The following GRID2 variants were observed in gnomAD, a reference collection of about 807,000 sequenced individuals.
GRID2 encodes the protein glutamate ionotropic receptor delta type subunit 2, also known as glutamate receptor ionotropic, delta-2.
Under a neutral mutation model 114.8 loss-of-function variants are expected in GRID2, and 33 were observed. The observed-to-expected ratio is 0.29, with a 90% CI of 0.22 to 0.38. The LOEUF (loss-of-function observed/expected upper bound fraction) is 0.38. Ranked by LOEUF, GRID2 falls within the 10% of genes least tolerant of loss-of-function variation. The pLI is 1.00. For synonymous variants in GRID2, 505 were observed against 449.9 expected, an observed-to-expected ratio of 1.12 and a Z score of -1.55; for missense variants, 1,184 against 1,257.7, an observed-to-expected ratio of 0.94 and a Z score of 0.89.
intron 4 of GRID2, among the ~76,000 whole-genome samples, chr4:93,121,918 TA>T (rs573407518): frequency 1.2e-3 from 180 of 152,316 alleles, no homozygotes; most frequent in African/African-American, 4.1e-3. Flanking sequence ...GCTTCGAGGA[TA>T]TTTTTCTTTT....
At chr4:92,431,906 G>A (rs1225029078) in intron 1 of GRID2, among the ~76,000 whole-genome samples, 3 of 152,234 alleles carry the variant, frequency 2.0e-5, no homozygotes, top group Non-Finnish European at 4.4e-5. Context: ...AGAATTGCAT[G>A]TTATAATCTA....
At chr4:92,984,608 C>T (rs921726215) in intron 2 of GRID2, among the ~76,000 whole-genome samples, 1 of 152,164 alleles carries the variant, frequency 6.6e-6, no homozygotes, top group Admixed American at 6.5e-5. Flanking sequence ...CCATTTTCCT[C>T]ATTTCGAGTA....
intron 13 of GRID2, among the ~76,000 whole-genome samples, chr4:93,547,837 C>G (rs961519732): frequency 6.6e-6 from 1 of 152,028 alleles, no homozygotes; most frequent in Admixed American, 6.6e-5. Flanking sequence ...GGACCAATAA[C>G]TAGCATATGA....
intron 14 of GRID2, among the ~76,000 whole-genome samples, chr4:93,667,278 G>A (rs1724026820): frequency 6.6e-6 from 1 of 151,916 alleles, no homozygotes; most frequent in South Asian, 2.1e-4. Context: ...GCTTAAATGG[G>A]GTGATTTTAA....
chr4:93,078,269 A>G (rs1385100622), intron 2 of GRID2, among the ~76,000 whole-genome samples: 1 of 152,158 alleles, frequency 6.6e-6, no homozygotes, highest in Non-Finnish European at 1.5e-5. Flanking sequence ...GCAGCTCTAT[A>G]GTCACTTCTG....
chr4:92,388,462 C>T (rs1730084550), intron 1 of GRID2, among the ~76,000 whole-genome samples: 1 of 151,974 alleles, frequency 6.6e-6, no homozygotes, highest in Admixed American at 6.6e-5. Context: ...ACTAGATCTT[C>T]TGAAGGTTAA....
chr4:92,556,567 G>A (rs1007370386), intron 1 of GRID2, among the ~76,000 whole-genome samples: 2 of 152,032 alleles, frequency 1.3e-5, no homozygotes. Flanking sequence ...CATAGTTTTT[G>A]TGGGTTAGGA....
intron 8 of GRID2, among the ~76,000 whole-genome samples, chr4:93,334,586 G>A (rs1758837103): frequency 6.6e-6 from 1 of 152,188 alleles, no homozygotes; most frequent in Non-Finnish European, 1.5e-5. Context: ...ATGCTAACAT[G>A]TAATAGCATT....
intron 2 of GRID2, among the ~76,000 whole-genome samples, chr4:92,631,288 A>G (rs1730799095): frequency 6.6e-6 from 1 of 152,106 alleles, no homozygotes; most frequent in Non-Finnish European, 1.5e-5. Context: ...ATAAGCCTTA[A>G]TTTAGAATGT....
At chr4:93,711,793 T>C (rs1328630738) in intron 14 of GRID2, among the ~76,000 whole-genome samples, 3 of 152,154 alleles carry the variant, frequency 2.0e-5, no homozygotes, top group African/African-American at 2.4e-5. Context: ...GTGTAGACAA[T>C]TCAAGACTGT....
chr4:93,058,877 A>T (rs1370515534), intron 2 of GRID2, among the ~76,000 whole-genome samples: 1 of 152,010 alleles, frequency 6.6e-6, no homozygotes. Context: ...TATTAAAATA[A>T]CTGCATTATA....
intron 1 of GRID2, among the ~76,000 whole-genome samples, chr4:92,350,868 A>G (rs1307357853): frequency 6.6e-6 from 1 of 151,756 alleles, no homozygotes; most frequent in Non-Finnish European, 1.5e-5. Context: ...CCACTAATCG[A>G]CTTTCTGTCT....
At chr4:92,941,758 C>G (rs184047572) in intron 2 of GRID2, among the ~76,000 whole-genome samples, 260 of 152,040 alleles carry the variant, frequency 1.7e-3, no homozygotes, top group African/African-American at 4.4e-3. Context: ...CAGAGATTCT[C>G]GTATGTTGTG....
chr4:92,925,885 A>AG (rs2149513444), intron 2 of GRID2, among the ~76,000 whole-genome samples: 2 of 152,116 alleles, frequency 1.3e-5, no homozygotes, highest in African/African-American at 4.8e-5. Context: ...ACAGGTTCAA[A>AG]GGGACAAGAG....
intron 13 of GRID2, among the ~76,000 whole-genome samples, chr4:93,515,697 G>A (rs555184246): frequency 2.0e-5 from 3 of 152,160 alleles, no homozygotes; most frequent in Admixed American, 2.0e-4. Flanking sequence ...CAAACATGAA[G>A]TTTAAAAAAG....
chr4:92,881,485 A>T (rs898284006), intron 2 of GRID2, among the ~76,000 whole-genome samples: 11 of 152,202 alleles, frequency 7.2e-5, no homozygotes, highest in African/African-American at 2.7e-4. Context: ...AGACAAAAGA[A>T]AAAATATTTC....
chr4:93,380,911 G>A (rs915805619), intron 8 of GRID2, among the ~76,000 whole-genome samples: 6 of 152,096 alleles, frequency 3.9e-5, no homozygotes, highest in Non-Finnish European at 2.9e-5. Context: ...CACTGGGATA[G>A]TTCAATTAGG....
intron 2 of GRID2, among the ~76,000 whole-genome samples, 155 bp downstream of exon 2, chr4:92,590,441 T>C (rs1229524114): frequency 2.0e-5 from 3 of 152,216 alleles, no homozygotes; most frequent in African/African-American, 7.2e-5. Context: ...TAGATGTTAA[T>C]CTTGTATTCC....
chr4:92,917,246 G>A (rs1253336953), intron 2 of GRID2, among the ~76,000 whole-genome samples: 1 of 152,126 alleles, frequency 6.6e-6, no homozygotes, highest in Non-Finnish European at 1.5e-5. Flanking sequence ...GTTCATTGTA[G>A]ATTCTGGATA....
Sources: allele counts gnomAD v4.1 joint callset (sites outside exome capture counted in the v4.1 genomes callset), GRCh38; gene constraint gnomAD v4.1.1; transcripts MANE v1.5; gene names NCBI Gene and HGNC (gene_info 2026-07-23, HGNC 2026-07-21).